RBPMS: variants seen among roughly 807,000 people sequenced by gnomAD.
RBPMS encodes RNA binding protein, mRNA processing factor, also known as RNA-binding protein with multiple splicing.
In RBPMS, 7 loss-of-function variants were observed where a neutral mutation model predicts 26.8. That is an observed-to-expected ratio of 0.26 (90% confidence interval 0.15 to 0.49). The LOEUF is 0.49. Ranked by LOEUF, RBPMS falls within the 20% of genes least tolerant of loss-of-function variation. The pLI is 0.98. For synonymous variants in RBPMS, 96 were observed against 93.3 expected (o/e 1.03, Z -0.17); for missense variants, 186 against 250.0 (o/e 0.74, Z 1.73).
intron 6 of RBPMS, chr8:30,547,449 CT>C: frequency 6.3e-7 from 1 of 1,576,870 alleles, no homozygotes; most frequent in Non-Finnish European, 8.6e-7. Context: ...ATTTTCCCCC[CT>C]TTCACAAAAA....
chr8:30,465,169 A>G (rs1816358947), intron 1 of RBPMS, among the ~76,000 whole-genome samples: 1 of 152,218 alleles, frequency 6.6e-6, no homozygotes, highest in South Asian at 2.1e-4. Context: ...AGGATTTGAC[A>G]ACCATGTTTC....
chr8:30,553,136 C>T (rs184005681), intron 6 of RBPMS: 2 of 152,370 alleles, frequency 1.3e-5, no homozygotes, highest in Admixed American at 1.3e-4. Flanking sequence ...TATTAGGTGC[C>T]AGACAGGTAG....
At chr8:30,494,334 G>A (rs1291019014) in intron 4 of RBPMS, among the ~76,000 whole-genome samples, 1 of 152,172 alleles carries the variant, frequency 6.6e-6, no homozygotes, top group African/African-American at 2.4e-5. Context: ...AGCCAAAGGA[G>A]AAGAATCCCC....
chr8:30,551,416 G>A (rs191951108), intron 6 of RBPMS, among the ~76,000 whole-genome samples: 100 of 152,300 alleles, frequency 6.6e-4, no homozygotes, highest in Non-Finnish European at 1.1e-3. Context: ...GGAGACTTCC[G>A]TAGAAATCAC....
chr8:30,409,842 A>T (rs1288938658), intron 1 of RBPMS, among the ~76,000 whole-genome samples: 1 of 151,716 alleles, frequency 6.6e-6, no homozygotes, highest in Non-Finnish European at 1.5e-5. Flanking sequence ...CACGTTGGCC[A>T]GGCTGGTCTC....
At chr8:30,514,638 T>C (rs1822092779) in intron 5 of RBPMS, among the ~76,000 whole-genome samples, 1 of 148,392 alleles carries the variant, frequency 6.7e-6, no homozygotes, top group Non-Finnish European at 1.5e-5. Context: ...CATCTCAGCT[T>C]TCCCAGTAGC....
chr8:30,459,624 T>C (rs1361203072), intron 1 of RBPMS, among the ~76,000 whole-genome samples: 1 of 152,162 alleles, frequency 6.6e-6, no homozygotes, highest in African/African-American at 2.4e-5. Flanking sequence ...GATCAACCCT[T>C]GTACACTTTC....
intron 6 of RBPMS, chr8:30,549,493 C>T (rs772463892): frequency 6.2e-7 from 1 of 1,610,086 alleles, no homozygotes; most frequent in South Asian, 1.1e-5. Context: ...TTCCTCTCAA[C>T]CTGCAGCTCT....
chr8:30,507,074 G>C (rs572848243), intron 5 of RBPMS, among the ~76,000 whole-genome samples: 16 of 152,284 alleles, frequency 1.1e-4, no homozygotes, highest in Admixed American at 2.6e-4. Context: ...CGTATTTGCT[G>C]AGCACCTGCT....
intron 1 of RBPMS, among the ~76,000 whole-genome samples, chr8:30,467,713 A>G (rs1450735545): frequency 6.6e-6 from 1 of 152,226 alleles, no homozygotes; most frequent in Non-Finnish European, 1.5e-5. Flanking sequence ...TTACATGAAT[A>G]TATTTTTGCC....
intron 1 of RBPMS, among the ~76,000 whole-genome samples, chr8:30,462,620 C>T (rs1415938897): frequency 6.6e-6 from 1 of 151,954 alleles, no homozygotes; most frequent in Non-Finnish European, 1.5e-5. Flanking sequence ...GAGGTTTCAC[C>T]ATGCACCATG....
chr8:30,525,364 T>A (rs1823465157), intron 5 of RBPMS, among the ~76,000 whole-genome samples: 1 of 152,174 alleles, frequency 6.6e-6, no homozygotes, highest in Non-Finnish European at 1.5e-5. Context: ...CCCTTCTCCT[T>A]CCTCCTCCTC....
Position 30,412,796 on chromosome 8 carries a change from TTTG to T in RBPMS, c.66+27641_66+27643del, listed in dbSNP as rs540069578. ...TATTCAATAGAGAGGTCTATAAAAGTTTGTTAACTTCTCATGAAACAGACATTT... is the reference window on the plus strand; with the variant it reads ...TATTCAATAGAGAGGTCTATAAAAGTTTAACTTCTCATGAAACAGACATTT... On this transcript the variant is annotated intron_variant, in intron 1 of 8. Transcript: ENST00000397323. 1.6e-3 allele frequency among the ~76,000 whole-genome samples: 242 copies of T among 152,234 alleles called. 3 individuals are homozygous for T. Among genetic ancestry groups the T allele is most frequent in the Middle Eastern group, 0.014 (4 of 294 alleles).
intron 8 of RBPMS, among the ~76,000 whole-genome samples, chr8:30,570,157 C>T (rs1215732673): frequency 2.0e-5 from 3 of 152,178 alleles, no homozygotes; most frequent in African/African-American, 4.8e-5. Flanking sequence ...AACACATTTT[C>T]CCAAATCTAA....
intron 5 of RBPMS, among the ~76,000 whole-genome samples, chr8:30,536,906 T>G (rs1276354914): frequency 2.6e-5 from 4 of 152,162 alleles, no homozygotes; most frequent in African/African-American, 9.7e-5. Flanking sequence ...CATTACGTTT[T>G]GAAAATACAG....
intron 1 of RBPMS, among the ~76,000 whole-genome samples, chr8:30,391,998 C>T (rs565558874): frequency 1.2e-4 from 19 of 152,012 alleles, no homozygotes; most frequent in African/African-American, 4.6e-4. Context: ...GGCTGAAGCC[C>T]TGAAAAGCTA....
chr8:30,477,969 G>A (rs147992106), intron 3 of RBPMS, 132 bp downstream of exon 3: 3 of 640,090 alleles, frequency 4.7e-6, no homozygotes, highest in African/African-American at 1.8e-5. Context: ...AAAGTGAGAT[G>A]TATTAGGAAT....
intron 1 of RBPMS, among the ~76,000 whole-genome samples, chr8:30,462,487 A>C (rs1412955195): frequency 6.6e-6 from 1 of 151,986 alleles, no homozygotes; most frequent in Non-Finnish European, 1.5e-5. Context: ...GTAATGGTGC[A>C]ATCTCGGCTC....
chr8:30,555,060 G>A (rs1288856283), intron 6 of RBPMS, among the ~76,000 whole-genome samples: 1 of 152,036 alleles, frequency 6.6e-6, no homozygotes, highest in African/African-American at 2.4e-5. Context: ...TTAATCCTCT[G>A]GGCCTTCATT....
Sources: allele counts gnomAD v4.1 joint callset (sites outside exome capture counted in the v4.1 genomes callset), GRCh38; gene constraint gnomAD v4.1.1; transcripts MANE v1.5; gene names NCBI Gene and HGNC (gene_info 2026-07-23, HGNC 2026-07-21).